The following SLC22A3 variants were observed in gnomAD, a reference collection of about 807,000 sequenced individuals.
SLC22A3 encodes EMT organic cation transporter 3.
SLC22A3 carries 51 observed loss-of-function variants against 59.1 expected under a neutral mutation model. That is an observed-to-expected ratio of 0.86 (90% CI 0.69 to 1.09). SLC22A3 has a LOEUF of 1.09. Ranked by LOEUF, SLC22A3 falls within the 50% of genes least tolerant of loss-of-function variation. The pLI, the probability that SLC22A3 is intolerant of heterozygous loss-of-function variation, is 0.00. For synonymous variants in SLC22A3, 325 were observed against 292.0 expected (o/e 1.11, Z -1.15); for missense variants, 711 against 726.3 (o/e 0.98, Z 0.24).
chr6:160,433,202 C>T (rs1240471203), intron 5 of SLC22A3, among the ~76,000 whole-genome samples: 2 of 152,208 alleles, frequency 1.3e-5, no homozygotes, highest in African/African-American at 2.4e-5. Context: ...TAGGTTAATA[C>T]ATAAGATCTT....
intron 2 of SLC22A3, among the ~76,000 whole-genome samples, chr6:160,404,518 C>T (rs1218598565): frequency 6.6e-6 from 1 of 151,998 alleles, no homozygotes; most frequent in African/African-American, 2.4e-5. Flanking sequence ...CAGTTCTTCC[C>T]AACTTGATGT....
chr6:160,428,670 T>C (rs770416345), intron 5 of SLC22A3, among the ~76,000 whole-genome samples: 20 of 152,244 alleles, frequency 1.3e-4, no homozygotes, highest in Non-Finnish European at 2.9e-4. Context: ...AAAATGTAAA[T>C]GTACTCGTGT....
chr6:160,429,805 C>A (rs533127767), intron 5 of SLC22A3, among the ~76,000 whole-genome samples: 50 of 151,670 alleles, frequency 3.3e-4, no homozygotes, highest in Non-Finnish European at 5.9e-4. Flanking sequence ...TTAAATACAT[C>A]TGGTATACTT....
intron 1 of SLC22A3, among the ~76,000 whole-genome samples, chr6:160,375,648 A>T (rs1376208587): frequency 6.6e-6 from 1 of 152,230 alleles, no homozygotes; most frequent in Non-Finnish European, 1.5e-5. Flanking sequence ...AAAGGAATAA[A>T]GTCTTGTTTA....
At chr6:160,362,228 C>T (rs1352097680) in intron 1 of SLC22A3, among the ~76,000 whole-genome samples, 1 of 152,164 alleles carries the variant, frequency 6.6e-6, no homozygotes, top group Non-Finnish European at 1.5e-5. Context: ...GGTATTAATC[C>T]AATAATTCAA....
intron 1 of SLC22A3, among the ~76,000 whole-genome samples, chr6:160,390,147 CT>C (rs1786192933): frequency 6.6e-6 from 1 of 152,272 alleles, no homozygotes. Flanking sequence ...TAGAGTAGCC[CT>C]ATTCAGATGG....
chr6:160,395,641 A>C (rs1583473802), intron 1 of SLC22A3, among the ~76,000 whole-genome samples: 1 of 152,252 alleles, frequency 6.6e-6, no homozygotes, highest in Non-Finnish European at 1.5e-5. Context: ...GTACCTCGAA[A>C]AACCAAAATT....
intron 1 of SLC22A3, among the ~76,000 whole-genome samples, chr6:160,376,871 C>G (rs1785615481): frequency 6.6e-6 from 1 of 152,190 alleles, no homozygotes; most frequent in African/African-American, 2.4e-5. Context: ...CAATTTGGGA[C>G]TTTGCACAAC....
At chr6:160,449,573 C>T (rs1241900872) in intron 10 of SLC22A3, among the ~76,000 whole-genome samples, 3 of 152,164 alleles carry the variant, frequency 2.0e-5, no homozygotes, top group African/African-American at 7.2e-5. Context: ...AAAAATCACA[C>T]TGGATTATTT....
chr6:160,377,293 T>G (rs944835249), intron 1 of SLC22A3, among the ~76,000 whole-genome samples: 5 of 152,216 alleles, frequency 3.3e-5, no homozygotes, highest in Admixed American at 3.3e-4. Flanking sequence ...GAGACCAGCC[T>G]GGCCAATATA....
At chr6:160,430,028 T>C (rs936670730) in intron 5 of SLC22A3, among the ~76,000 whole-genome samples, 2 of 152,074 alleles carry the variant, frequency 1.3e-5, no homozygotes, top group African/African-American at 4.8e-5. Flanking sequence ...TGACAGCCTC[T>C]GTTACTATGA....
rs773206896 is a variant in SLC22A3 at position 160,407,054 on chromosome 6, G to A, written c.547G>A (p.Val183Ile). The A allele has an allele frequency of 1.8e-5, 29 of 1,612,830 alleles. No individual in the cohort carries two copies. The highest frequency in any genetic ancestry group is 6.7e-5 in the Admixed American group (4 of 59,834). Residue 183 changes from valine (V) to isoleucine (I), a missense_variant, in exon 3 of 11, where the codon GTC becomes ATC. By Grantham distance (29) the Val-to-Ile change is conservative (BLOSUM62 3). Transcript: ENST00000275300. Reference protein sequence around the residue: ...GYAADRYGRIVIYLLSCLGVG... With the variant: ...GYAADRYGRIIIYLLSCLGVG... ...TTTCTCAAAAAGGTATGGCAGGATC[G>A]TCATTTACTTGCTATCCTGCCTTGG...
chr6:160,373,790 A>G (rs1235218169), intron 1 of SLC22A3, among the ~76,000 whole-genome samples: 3 of 152,166 alleles, frequency 2.0e-5, no homozygotes, highest in Non-Finnish European at 2.9e-5. Flanking sequence ...AACTTCCCAG[A>G]GGCTTTGTTT....
At chr6:160,395,890 C>T (rs1161964216) in intron 1 of SLC22A3, among the ~76,000 whole-genome samples, 1 of 152,150 alleles carries the variant, frequency 6.6e-6, no homozygotes, top group African/African-American at 2.4e-5. Flanking sequence ...TTATGAGACT[C>T]CTCAAAATTC....
At chr6:160,400,982 CTGAA>C (rs1786752219) in intron 2 of SLC22A3, among the ~76,000 whole-genome samples, 1 of 24,370 alleles carries the variant, frequency 4.1e-5, no homozygotes, top group Non-Finnish European at 7.0e-5. Context: ...ACCTCCAAAA[CTGAA>C]AAAAAAAAAA....
chr6:160,367,452 T>C (rs917656138), intron 1 of SLC22A3, among the ~76,000 whole-genome samples: 1 of 152,216 alleles, frequency 6.6e-6, no homozygotes, highest in African/African-American at 2.4e-5. Context: ...TTTCTTTTAC[T>C]GAAGCATTTT....
Position 160,348,553 on chromosome 6 carries a change from A to G in SLC22A3, c.134A>G (p.Gln45Arg). The G allele has an allele frequency of 6.4e-7, 1 of 1,553,188 alleles. No homozygotes were observed. Among genetic ancestry groups the G allele is most frequent in the Non-Finnish European group, 8.6e-7 (1 of 1,159,214 alleles). ...GTCGGCGTGGTCTTCCTGGGCACGC[A>G]GCCCGACCACTACTGGTGCCGCGGG... is the stretch of plus-strand genomic sequence containing the variant. ...LFVGVVFLGT[Q>R]PDHYWCRGPS... Residue 45 changes from glutamine (Q) to arginine (R), a missense_variant, in exon 1 of 11, where the codon CAG (glutamine) becomes CGG (arginine). Physicochemically the swap from Gln to Arg is conservative, Grantham distance 43 (BLOSUM62 1). Coordinates refer to ENST00000275300, the MANE Select transcript of SLC22A3 (RefSeq NM_021977.4).
chr6:160,393,629 T>A (rs1244290281), intron 1 of SLC22A3, among the ~76,000 whole-genome samples: 1 of 152,208 alleles, frequency 6.6e-6, no homozygotes, highest in Non-Finnish European at 1.5e-5. Flanking sequence ...TCATCATTTT[T>A]TATGGCTGCA....
At chr6:160,383,365 G>C (rs192243929) in intron 1 of SLC22A3, among the ~76,000 whole-genome samples, 39 of 152,120 alleles carry the variant, frequency 2.6e-4, no homozygotes, top group African/African-American at 8.9e-4. Flanking sequence ...AAATGTAATT[G>C]TCAGAAAGAG....
Sources: gnomAD v4.1 joint callset for allele counts (sites outside exome capture counted in the v4.1 genomes callset) on GRCh38, gnomAD v4.1.1 for gene constraint, MANE v1.5 for transcripts, NCBI Gene and HGNC (gene_info 2026-07-23, HGNC 2026-07-21) for gene names.